RBFOX2: variants seen among roughly 807,000 people sequenced by gnomAD.
RBFOX2 encodes the protein RNA binding fox-1 homolog 2, also known as RNA binding protein fox-1 homolog 2.
A neutral mutation model predicts 49.1 loss-of-function variants in RBFOX2; 10 were observed. The ratio of observed to expected loss-of-function variants is 0.20; its 90% CI spans 0.13 to 0.35. The LOEUF (loss-of-function observed/expected upper bound fraction) is 0.35. Among genes scored for constraint, RBFOX2 ranks in the 10% least tolerant of loss-of-function variants. The pLI is 1.00. For missense variants in RBFOX2, 323 were observed against 486.9 expected (o/e 0.66, Z 3.17); for synonymous variants, 183 against 187.4 (o/e 0.98, Z 0.19).
At chr22:35,972,311 G>GA (rs1238152264) in intron 1 of RBFOX2, among the ~76,000 whole-genome samples, 2 of 151,394 alleles carry the variant, frequency 1.3e-5, no homozygotes, top group African/African-American at 2.4e-5. Context: ...CAAAAAGTAG[G>GA]AAAAAAAGAA....
At chr22:35,793,716 A>C (rs1023954472) in intron 2 of RBFOX2, among the ~76,000 whole-genome samples, 7 of 152,232 alleles carry the variant, frequency 4.6e-5, no homozygotes, top group Admixed American at 4.6e-4. Context: ...GATTTATTTT[A>C]AAGAGAAATG....
chr22:35,920,325 G>A (rs77220577), intron 1 of RBFOX2, among the ~76,000 whole-genome samples: 4,196 of 152,126 alleles, frequency 0.028, 74 homozygotes, highest in South Asian at 0.071. Flanking sequence ...GCTGTCATTC[G>A]GCAGCTCAGC....
At chr22:35,905,927 T>C (rs1603444865) in intron 1 of RBFOX2, among the ~76,000 whole-genome samples, 2 of 152,300 alleles carry the variant, frequency 1.3e-5, no homozygotes. Context: ...ATATTTGCCA[T>C]TGTGTTACAA....
intron 1 of RBFOX2, among the ~76,000 whole-genome samples, chr22:35,866,739 A>G (rs1016859760): frequency 8.5e-5 from 13 of 152,170 alleles, no homozygotes; most frequent in African/African-American, 3.1e-4. Flanking sequence ...GGCTCCTCTC[A>G]GCCAAAGAAC....
upstream of RBFOX2, among the ~76,000 whole-genome samples, chr22:35,845,047 G>A (rs930821918): frequency 3.9e-5 from 6 of 152,136 alleles, no homozygotes; most frequent in South Asian, 1.2e-3. Context: ...AAGAGTCCCT[G>A]TCTACAAGGC....
chr22:35,973,716 T>C lies in RBFOX2; in HGVS notation c.187-34819A>G, dbSNP rs1225895586. ...GTTTTCCTCTCAACTAAAAATGGTC[T>C]AGTTCTTAAAGGGCCTGTTTTACCA... On this transcript the variant is annotated intron_variant, in intron 1 of 13. Coordinates refer to the RBFOX2 transcript ENST00000438146. Among the ~76,000 whole-genome samples, 5 of 152,310 alleles carry C rather than the reference T, an allele frequency of 3.3e-5. No individual in the cohort carries two copies. The South Asian group carries it at 1.0e-3, about 32-fold the overall frequency.
intron 9 of RBFOX2, among the ~76,000 whole-genome samples, chr22:35,748,889 A>T (rs1602066411): frequency 6.6e-6 from 1 of 152,360 alleles, no homozygotes; most frequent in Middle Eastern, 3.4e-3. Context: ...TCTCAGGAAG[A>T]CTGAGTGAGG....
intron 1 of RBFOX2, among the ~76,000 whole-genome samples, chr22:35,953,025 C>G (rs1209577454): frequency 6.6e-6 from 1 of 151,676 alleles, no homozygotes; most frequent in Admixed American, 6.6e-5. Context: ...TCCTGGCTAA[C>G]ACGGTGAAAT....
intron 1 of RBFOX2, among the ~76,000 whole-genome samples, chr22:35,849,539 A>T (rs1177094872): frequency 1.3e-5 from 2 of 152,212 alleles, no homozygotes; most frequent in Admixed American, 6.5e-5. Flanking sequence ...ACATAAATCA[A>T]ACAGTATCTA....
intron 1 of RBFOX2, among the ~76,000 whole-genome samples, chr22:35,974,041 A>G (rs546070003): frequency 5.9e-5 from 9 of 152,206 alleles, no homozygotes; most frequent in Non-Finnish European, 1.2e-4. Flanking sequence ...GGAGGTGCCT[A>G]TAAGAGATCT....
At chr22:35,961,331 A>G (rs1360465427) in intron 1 of RBFOX2, among the ~76,000 whole-genome samples, 3 of 152,236 alleles carry the variant, frequency 2.0e-5, no homozygotes, top group African/African-American at 4.8e-5. Flanking sequence ...ACATTGCTAC[A>G]TCTAGATGAG....
intron 1 of RBFOX2, among the ~76,000 whole-genome samples, chr22:35,916,368 G>T (rs2050409139): frequency 6.6e-6 from 1 of 152,180 alleles, no homozygotes; most frequent in Non-Finnish European, 1.5e-5. Flanking sequence ...TACAACCTCT[G>T]CCTCCCGGAT....
intron 9 of RBFOX2, among the ~76,000 whole-genome samples, chr22:35,751,315 C>T (rs1039984010): frequency 6.6e-6 from 1 of 152,026 alleles, no homozygotes; most frequent in African/African-American, 2.4e-5. Flanking sequence ...TTATGTGACA[C>T]TGAGGAGGAG....
At chr22:35,937,960 T>C (rs1367863367) in intron 1 of RBFOX2, among the ~76,000 whole-genome samples, 2 of 152,206 alleles carry the variant, frequency 1.3e-5, no homozygotes, top group East Asian at 3.8e-4. Context: ...AAGGACACTA[T>C]GAACTCTTTC....
chr22:35,829,947 C>T (rs1165592839), intron 1 of RBFOX2, among the ~76,000 whole-genome samples: 1 of 152,162 alleles, frequency 6.6e-6, no homozygotes, highest in Non-Finnish European at 1.5e-5. Flanking sequence ...ACTAAAACAT[C>T]TACAATACAA....
intron 1 of RBFOX2, among the ~76,000 whole-genome samples, chr22:35,901,790 GC>G (rs1161286224): frequency 6.6e-6 from 1 of 152,102 alleles, no homozygotes; most frequent in African/African-American, 2.4e-5. Context: ...ACAGAAGACT[GC>G]ATTATCTTGG....
upstream of RBFOX2, among the ~76,000 whole-genome samples, chr22:35,842,035 A>G (rs2040564351): frequency 6.6e-6 from 1 of 152,230 alleles, no homozygotes; most frequent in Non-Finnish European, 1.5e-5. Flanking sequence ...TCTATTGTGA[A>G]TTCAATTTTT....
At chr22:35,995,178 C>T (rs574122511) in intron 1 of RBFOX2, 2 of 152,286 alleles carry the variant, frequency 1.3e-5, no homozygotes, top group African/African-American at 4.8e-5. Flanking sequence ...GTATAGAGAA[C>T]ATCATCTACC....
chr22:35,860,780 T>C (rs6000019), intron 1 of RBFOX2, among the ~76,000 whole-genome samples: 20,141 of 152,236 alleles, frequency 0.13, 2,882 homozygotes, highest in African/African-American at 0.36. Context: ...TTGGGGAGAA[T>C]TAACATCCGA....
Sources: allele counts gnomAD v4.1 joint callset (sites outside exome capture counted in the v4.1 genomes callset), GRCh38; gene constraint gnomAD v4.1.1; transcripts MANE v1.5; gene names NCBI Gene and HGNC (gene_info 2026-07-23, HGNC 2026-07-21).